PDGFA: variants seen among roughly 807,000 people sequenced by gnomAD.
PDGFA encodes the protein platelet derived growth factor subunit A.
PDGFA carries 9 observed loss-of-function variants against 25.6 expected under a neutral mutation model. The ratio of observed to expected loss-of-function variants is 0.35; its 90% CI spans 0.21 to 0.61. The LOEUF is 0.61. PDGFA is among the 20% of genes least tolerant of loss of function. The probability of loss-of-function intolerance (pLI) is 0.75; values close to 1 mark genes in which losing one functional copy is unlikely to be tolerated. For missense variants in PDGFA, 242 were observed against 272.8 expected, an observed-to-expected ratio of 0.89 and a Z score of 0.79; for synonymous variants, 133 against 111.8, an observed-to-expected ratio of 1.19 and a Z score of -1.20.
intron 4 of PDGFA, among the ~76,000 whole-genome samples, chr7:508,590 T>TAAAAAAACCC (rs1275774675): frequency 7.6e-6 from 1 of 130,896 alleles, no homozygotes; most frequent in African/African-American, 2.9e-5. Flanking sequence ...AAAAAAAAAT[T>TAAAAAAACCC]CTCAGCTGAG....
chr7:512,558 G>A, intron 2 of PDGFA, 103 bp from the exon 3 acceptor site: 10 of 1,578,550 alleles, frequency 6.3e-6, no homozygotes, highest in Middle Eastern at 1.7e-4. Flanking sequence ...AGCCACTGGG[G>A]AACAGGCACC....
rs1279024635 is a variant in PDGFA, at chr7:500,910, G to A, written c.580+206C>T. ...CTCTCCTGCCAGTGCCGCAGCTTGG[G>A]CCACCCTCCCCACCGGACACCTGCA... On this transcript the variant is annotated intron_variant, in intron 5 of 5. Transcript: ENST00000402802. This position sits in a 1 kb window ranked among gnomAD's most constrained non-coding sequence, Gnocchi z 5.0. 2.6e-5 allele frequency: 41 copies of A among 1,585,562 alleles called. No individual in the cohort carries two copies. Among genetic ancestry groups the A allele is most frequent in the Non-Finnish European group, 3.5e-5 (41 of 1,173,196 alleles).
exon 1 of PDGFA, chr7:518,955 G>A (rs1783237854): frequency 1.9e-6 from 3 of 1,538,514 alleles, no homozygotes; most frequent in Non-Finnish European, 1.7e-6. Context: ...CAGAACATGG[G>A]CGAGGTATCC....
At chr7:501,490 A>G (rs1169480658) in intron 4 of PDGFA, among the ~76,000 whole-genome samples, 1 of 152,178 alleles carries the variant, frequency 6.6e-6, no homozygotes, top group East Asian at 1.9e-4. Context: ...ACCTAGGCCA[A>G]TCATAGCCTC....
intron 2 of PDGFA, 151 bp from the exon 3 acceptor site, chr7:512,606 C>A: frequency 6.5e-7 from 1 of 1,542,056 alleles, no homozygotes; most frequent in Non-Finnish European, 8.7e-7. Flanking sequence ...CCATTAGGGG[C>A]CCTCCAGGAG....
chr7:519,784 G>A (rs924434465), upstream of PDGFA, among the ~76,000 whole-genome samples: 231 of 148,728 alleles, frequency 1.6e-3, no homozygotes, highest in Non-Finnish European at 2.3e-3. Flanking sequence ...CGGGAGAGGA[G>A]GAGGAGGAGT....
chr7:508,997 A>G (rs1782687325), intron 4 of PDGFA, among the ~76,000 whole-genome samples: 1 of 152,194 alleles, frequency 6.6e-6, no homozygotes, highest in African/African-American at 2.4e-5. Context: ...GAGGCCAGAG[A>G]GGCGCAAACA....
In PDGFA at chr7:498,587, G is replaced by T; in HGVS notation, c.581-13C>A. ...CCTCACCTCACATCTGCAGGGAGAA[G>T]GGAAAGACAGACACTGAGACCACCG... On this transcript the variant is annotated splice_polypyrimidine_tract_variant and intron_variant, in intron 5 of 5. Transcript: ENST00000402802. 6.2e-7 allele frequency: 1 copy of T among 1,609,860 alleles called. No individual in the cohort carries two copies. Among genetic ancestry groups the T allele is most frequent in the East Asian group, 2.2e-5 (1 of 44,746 alleles).
intron 3 of PDGFA, 123 bp from the exon 4 acceptor site, chr7:511,119 C>T: frequency 1.4e-6 from 1 of 738,262 alleles, no homozygotes; most frequent in Non-Finnish European, 2.3e-6. Context: ...CAGGATTCCT[C>T]CCAGGCAGCA....
intron 4 of PDGFA, among the ~76,000 whole-genome samples, chr7:502,931 A>T (rs1782413796): frequency 6.6e-6 from 1 of 152,064 alleles, no homozygotes; most frequent in Non-Finnish European, 1.5e-5. Flanking sequence ...ATGCATGTGT[A>T]ATGTACACAG....
chr7:517,657 A>G lies in PDGFA; in HGVS notation c.64-167T>C, dbSNP rs1009310455. On this transcript the variant is annotated intron_variant, in intron 1 of 5. Coordinates refer to ENST00000402802, the Ensembl canonical transcript of PDGFA. The surrounding 1 kb of genome is among the most constrained non-coding windows in gnomAD (Gnocchi z 7.4). ...CCCTCGCCCCGGCCCTGGAACCAGA[A>G]GCCGGGGGTGGGGCTGGAAGAGACC... 1.3e-5 allele frequency among the ~76,000 whole-genome samples: 2 copies of G among 151,202 alleles called. No individual in the cohort carries two copies. The highest frequency in any genetic ancestry group is 1.3e-4 in the Admixed American group (2 of 15,238).
Position 499,720 on chromosome 7 carries a change from TCC to T in PDGFA, c.581-1148_581-1147del, listed in dbSNP as rs1162560758. Among the ~76,000 whole-genome samples, 4 of 23,048 alleles carry T rather than the reference TCC, an allele frequency of 1.7e-4. 1 individual carries two copies. The highest frequency in any genetic ancestry group is 3.4e-4 in the Non-Finnish European group (4 of 11,932). 15.1% of individuals were successfully genotyped at this position (23,048 alleles called of 152,430 possible). ...CTCTCTAAGGGTGTTATTTTGCCCTTCCCCCCCCCCCCCGCTCACTCCTTCTT... is the reference window on the plus strand; with the variant it reads ...CTCTCTAAGGGTGTTATTTTGCCCTTCCCCCCCCCCCGCTCACTCCTTCTT... On this transcript the variant is annotated intron_variant, in intron 5 of 5. Transcript: ENST00000402802.
At chr7:509,122 A>C (rs1289030935) in intron 4 of PDGFA, among the ~76,000 whole-genome samples, 4 of 152,192 alleles carry the variant, frequency 2.6e-5, no homozygotes, top group Non-Finnish European at 5.9e-5. Flanking sequence ...CAACGCAAGA[A>C]GACCTTCAGC....
At position 500,957 on chromosome 7, in the gene PDGFA, G is replaced by A. The variant is rs556045156; in HGVS notation, c.580+159C>T. 89 of 1,595,474 alleles carry A rather than the reference G, an allele frequency of 5.6e-5. No homozygotes were observed. Among genetic ancestry groups the A allele is most frequent in the Non-Finnish European group, 7.1e-5 (84 of 1,177,670 alleles). ...TGCAGGTGTGGGATCCGTCTCCCCC[G>A]CAGGCATCTGGCCCGGGAGCAGGGC... On this transcript the variant is annotated intron_variant, in intron 5 of 5. Coordinates refer to ENST00000402802, the Ensembl canonical transcript of PDGFA. The surrounding 1 kb of genome is among the most constrained non-coding windows in gnomAD (Gnocchi z 5.0).
chr7:512,246 G>A, intron 3 of PDGFA, 105 bp downstream of exon 3: 1 of 1,096,168 alleles, frequency 9.1e-7, no homozygotes, highest in Non-Finnish European at 1.3e-6. Flanking sequence ...ACTGCGCTGG[G>A]AGAGCGGGCA....
Position 517,932 on chromosome 7 carries a change from G to A in PDGFA, c.64-442C>T, listed in dbSNP as rs1332515638. 6.6e-6 allele frequency among the ~76,000 whole-genome samples: 1 copy of A among 152,094 alleles called. No individual in the cohort carries two copies. The highest frequency in any genetic ancestry group is 1.5e-5 in the Non-Finnish European group (1 of 68,022). On this transcript the variant is annotated intron_variant, in intron 1 of 5. Coordinates refer to ENST00000402802, the Ensembl canonical transcript of PDGFA. The surrounding 1 kb of genome is among the most constrained non-coding windows in gnomAD (Gnocchi z 7.4). ...AGCCCTAACACTTTAATCCAGGCAG[G>A]GCTTAAATTTCACGCCCCGGAATCC...
upstream of PDGFA, among the ~76,000 whole-genome samples, chr7:519,698 G>C (rs907468467): frequency 6.9e-6 from 1 of 145,464 alleles, no homozygotes. Flanking sequence ...CCCGCCGCCC[G>C]GGGCCTCGCT....
Position 498,580 on chromosome 7 carries a change from G to T in PDGFA, c.581-6C>A. 1 of 1,610,136 alleles carries T rather than the reference G, an allele frequency of 6.2e-7. No homozygotes were observed. The highest frequency in any genetic ancestry group is 2.2e-5 in the East Asian group (1 of 44,758). On this transcript the variant is annotated splice_region_variant and splice_polypyrimidine_tract_variant and intron_variant, in intron 5 of 5. Transcript: ENST00000402802. ...GGCTCATCCTCACCTCACATCTGCA[G>T]GGAGAAGGGAAAGACAGACACTGAG...
At chr7:509,061 C>G (rs534801990) in intron 4 of PDGFA, among the ~76,000 whole-genome samples, 1 of 152,212 alleles carries the variant, frequency 6.6e-6, no homozygotes, top group Non-Finnish European at 1.5e-5. Flanking sequence ...TCTGGGCACA[C>G]TTCCCTGAAA....
Sources: gnomAD v4.1 joint callset for allele counts (sites outside exome capture counted in the v4.1 genomes callset) on GRCh38, gnomAD v4.1.1 for gene constraint, Gnocchi (gnomAD v3.1) non-coding constraint, MANE v1.5 for transcripts, NCBI Gene and HGNC (gene_info 2026-07-23, HGNC 2026-07-21) for gene names.